Variants in DOCK4 observed in about 807,000 individuals in gnomAD.
DOCK4 encodes the protein dedicator of cytokinesis protein 4.
DOCK4 carries 97 observed loss-of-function variants against 268.1 expected under a neutral mutation model. The ratio of observed to expected loss-of-function variants is 0.36; its 90% CI spans 0.31 to 0.43. The LOEUF (loss-of-function observed/expected upper bound fraction) is 0.43. Among genes scored for constraint, DOCK4 ranks in the 20% least tolerant of loss-of-function variants. The pLI is 1.00. For synonymous variants in DOCK4, 954 were observed against 887.2 expected (o/e 1.08, Z -1.34); for missense variants, 2,145 against 2,455.7 (o/e 0.87, Z 2.67).
chr7:111,896,487 GTT>G (rs79817951), intron 15 of DOCK4, among the ~76,000 whole-genome samples: 9 of 138,552 alleles, frequency 6.5e-5, no homozygotes, highest in Non-Finnish European at 7.9e-5. Flanking sequence ...TTCCACCAAG[GTT>G]TTTTTTTTTT....
At chr7:111,887,822 T>C (rs1262799891) in intron 16 of DOCK4, among the ~76,000 whole-genome samples, 1 of 149,426 alleles carries the variant, frequency 6.7e-6, no homozygotes, top group Non-Finnish European at 1.5e-5. Flanking sequence ...CTGGAAGAGA[T>C]GCAGGAGGAA....
intron 1 of DOCK4, among the ~76,000 whole-genome samples, chr7:112,110,466 A>G (rs1811552923): frequency 6.6e-6 from 1 of 152,206 alleles, no homozygotes; most frequent in Admixed American, 6.5e-5. Flanking sequence ...GGGATAGAAT[A>G]CACTTAAATG....
At chr7:111,834,797 G>GATGATCCAAACTTGCCCTGTGAA in intron 25 of DOCK4, 111 bp from the exon 26 acceptor site, 1 of 693,236 alleles carries the variant, frequency 1.4e-6, no homozygotes, top group South Asian at 2.7e-5. Context: ...ATGAAATCAC[G>GATGATCCAAACTTGCCCTGTGAA]ATGATCCAAA....
intron 1 of DOCK4, among the ~76,000 whole-genome samples, chr7:112,170,612 T>C (rs1818007583): frequency 6.6e-6 from 1 of 152,216 alleles, no homozygotes; most frequent in Admixed American, 6.5e-5. Flanking sequence ...ATGGTCAAGC[T>C]ATATTCAGAA....
At chr7:112,179,472 T>G (rs2116681717) in intron 1 of DOCK4, among the ~76,000 whole-genome samples, 1 of 151,692 alleles carries the variant, frequency 6.6e-6, no homozygotes, top group Middle Eastern at 3.4e-3. Context: ...AACATATCAT[T>G]ATTTGTTACA....
intron 30 of DOCK4, among the ~76,000 whole-genome samples, chr7:111,794,023 G>C (rs1799725349): frequency 6.6e-6 from 1 of 152,098 alleles, no homozygotes. Context: ...TGGCCAATTA[G>C]AGCTTTATTT....
Position 111,869,580 on chromosome 7 carries a change from C to A in DOCK4, c.2103G>T (p.Val701=). The A allele has an allele frequency of 6.2e-7, 1 of 1,613,344 alleles. No homozygotes were observed. Among genetic ancestry groups the A allele is most frequent in the Non-Finnish European group, 8.5e-7 (1 of 1,179,408 alleles). The change falls in exon 21 of 53, where the codon GTG becomes GTT. Residue 701 remains valine (V), a synonymous_variant. Coordinates refer to ENST00000428084, the MANE Select transcript of DOCK4 (RefSeq NM_001363540.2). The stretch of plus-strand genomic sequence containing the variant: ...ATCAACAGCATGTTATCACCTTCAG[C>A]ACCTCCTGGATATGCTCTTGCCGCT... ...EAERQEHIQE[V]LKAQEYIFKY...
intron 1 of DOCK4, among the ~76,000 whole-genome samples, chr7:112,184,795 C>T (rs375722231): frequency 2.0e-4 from 31 of 152,208 alleles, no homozygotes; most frequent in Middle Eastern, 3.4e-3. Context: ...AATCCCCCCC[C>T]CTTAGAGCTT....
At chr7:112,084,906 T>A (rs1178110103) in intron 1 of DOCK4, among the ~76,000 whole-genome samples, 2 of 152,098 alleles carry the variant, frequency 1.3e-5, no homozygotes, top group Non-Finnish European at 2.9e-5. Context: ...ATTATTACCA[T>A]GTATGTGTAC....
Position 111,940,118 on chromosome 7 carries a change from T to G in DOCK4, c.969A>C (p.Lys323Asn), listed in dbSNP as rs1270966555. The change falls in exon 11 of 53, where the codon AAA becomes AAC. Residue 323 changes from lysine (K) to asparagine (N), a missense_variant. Lys to Asn is a moderately conservative substitution (Grantham distance 94). This residue lies in a region of DOCK4 where 1,598 missense variants were observed against 1,986.7 expected (regional missense o/e 0.80). Transcript: ENST00000428084. ...TGETKDDLIL[K>N]VYMCNTESEW... ...ACGTGCATGTTTCTTACATGTATAC[T>G]TTCAGAATGAGGTCATCCTTTGTCT... The G allele has an allele frequency of 6.2e-7, 1 of 1,613,928 alleles. No homozygotes were observed. Among genetic ancestry groups the G allele is most frequent in the Admixed American group, 1.7e-5 (1 of 60,008 alleles).
At chr7:112,148,437 CA>C (rs1207465212) in intron 1 of DOCK4, among the ~76,000 whole-genome samples, 1 of 152,026 alleles carries the variant, frequency 6.6e-6, no homozygotes, top group East Asian at 1.9e-4. Flanking sequence ...CAATGAAAAA[CA>C]ATTAAAGTGA....
chr7:111,731,587 T>C (rs1795087351), intron 52 of DOCK4, among the ~76,000 whole-genome samples: 1 of 152,220 alleles, frequency 6.6e-6, no homozygotes, highest in Non-Finnish European at 1.5e-5. Context: ...GGATTTTTTA[T>C]GTTTAAAGAT....
At chr7:112,126,378 A>G (rs13227171) in intron 1 of DOCK4, among the ~76,000 whole-genome samples, 1 of 152,094 alleles carries the variant, frequency 6.6e-6, no homozygotes, top group East Asian at 1.9e-4. Context: ...TACAGTTAAA[A>G]TGGGTAAGAG....
chr7:112,055,742 T>C (rs1195830736), intron 1 of DOCK4, among the ~76,000 whole-genome samples: 1 of 151,926 alleles, frequency 6.6e-6, no homozygotes, highest in Admixed American at 6.6e-5. Flanking sequence ...ACCCCGTCTC[T>C]ACTAAAAATA....
chr7:112,030,981 T>G (rs950919364), intron 1 of DOCK4, among the ~76,000 whole-genome samples: 1 of 152,206 alleles, frequency 6.6e-6, no homozygotes, highest in African/African-American at 2.4e-5. Context: ...TCTCTCGTGA[T>G]TTGCAGTGTA....
intron 6 of DOCK4, among the ~76,000 whole-genome samples, chr7:111,987,726 A>G (rs768290224): frequency 7.2e-5 from 11 of 152,224 alleles, no homozygotes; most frequent in Non-Finnish European, 1.5e-4. Flanking sequence ...TCAACAGATG[A>G]GGAACTGACA....
chr7:111,821,973 T>C (rs1375295805), intron 27 of DOCK4, among the ~76,000 whole-genome samples: 1 of 152,248 alleles, frequency 6.6e-6, no homozygotes, highest in Non-Finnish European at 1.5e-5. Context: ...ATGAAAGGCT[T>C]TCTATCTATT....
At chr7:111,946,594 T>G (rs906798836) in intron 8 of DOCK4, among the ~76,000 whole-genome samples, 16 of 152,206 alleles carry the variant, frequency 1.1e-4, no homozygotes, top group Non-Finnish European at 2.1e-4. Flanking sequence ...TTATTATTAT[T>G]ATTTTGAGAC....
Position 111,989,000 on chromosome 7 carries a change from AT to A in DOCK4, c.464+14del. 1 of 1,602,540 alleles carries A rather than the reference AT, an allele frequency of 6.2e-7. No individual in the cohort carries two copies. ...TTCACCTACTAGAGGCCGCCCTGTG[AT>A]GCTCAATACTCACTCATTGCCCCAG... On this transcript the variant is annotated intron_variant, in intron 6 of 52. Transcript: ENST00000428084.
Sources: gnomAD v4.1 joint callset for allele counts (sites outside exome capture counted in the v4.1 genomes callset) on GRCh38, gnomAD v4.1.1 for gene constraint, gnomAD v4.1.1 regional missense constraint, MANE v1.5 for transcripts, NCBI Gene and HGNC (gene_info 2026-07-23, HGNC 2026-07-21) for gene names.